TRAPPC8: variants seen among roughly 807,000 people sequenced by gnomAD.
TRAPPC8 encodes the protein trafficking protein particle complex subunit 8.
A neutral mutation model predicts 174.3 loss-of-function variants in TRAPPC8; 54 were observed. The observed-to-expected ratio is 0.31, with a 90% confidence interval of 0.25 to 0.39. The LOEUF is 0.39. Among genes scored for constraint, TRAPPC8 ranks in the 10% least tolerant of loss-of-function variants. The pLI is 1.00. For missense variants in TRAPPC8, 1,531 were observed against 1,699.1 expected, an observed-to-expected ratio of 0.90 and a Z score of 1.74; for synonymous variants, 630 against 579.9, an observed-to-expected ratio of 1.09 and a Z score of -1.24.
chr18:31,878,441 C>T (rs1376482445), intron 12 of TRAPPC8, among the ~76,000 whole-genome samples: 1 of 152,126 alleles, frequency 6.6e-6, no homozygotes, highest in Non-Finnish European at 1.5e-5. Flanking sequence ...TAGTATTTCT[C>T]AGACAAGAAA....
chr18:31,941,431 G>A lies in TRAPPC8; in HGVS notation c.157+1177C>T, dbSNP rs561181361. Reference sequence around the variant, plus strand: ...GCACTCCAGTCTGGGCAACAAGAGCGAAACTCCATCTCAAAATAAATAAAT... The same window carrying A: ...GCACTCCAGTCTGGGCAACAAGAGCAAAACTCCATCTCAAAATAAATAAAT... On this transcript the variant is annotated intron_variant, in intron 1 of 28. Coordinates refer to ENST00000283351, the MANE Select transcript of TRAPPC8 (RefSeq NM_014939.5). Among the ~76,000 whole-genome samples the A allele has an allele frequency of 7.2e-5, 11 of 152,144 alleles. No homozygotes were observed. The South Asian group carries it at 1.9e-3, about 26-fold the overall frequency.
intron 10 of TRAPPC8, among the ~76,000 whole-genome samples, chr18:31,900,577 C>T (rs1316650782): frequency 6.6e-6 from 1 of 152,150 alleles, no homozygotes; most frequent in African/African-American, 2.4e-5. Flanking sequence ...ACAGAAAGCA[C>T]TATGAATACA....
chr18:31,939,799 G>A (rs1001675563), intron 1 of TRAPPC8: 15 of 152,204 alleles, frequency 9.9e-5, no homozygotes, highest in African/African-American at 2.9e-4. Context: ...AGGCTGCAGT[G>A]GGTGAGGGAG....
At chr18:31,877,266 G>A (rs955600974) in intron 12 of TRAPPC8, among the ~76,000 whole-genome samples, 4 of 152,080 alleles carry the variant, frequency 2.6e-5, no homozygotes, top group Non-Finnish European at 4.4e-5. Flanking sequence ...GCTGGCAGAC[G>A]TGTCCTTGGG....
rs368475115 is a variant in TRAPPC8 at position 31,864,010 on chromosome 18, AAT to A, written c.2745+615_2745+616del. Among the ~76,000 whole-genome samples the A allele has an allele frequency of 4.5e-3, 660 of 148,120 alleles. 7 individuals are homozygous for A. Among genetic ancestry groups the A allele is most frequent in the South Asian group, 0.031 (150 of 4,774 alleles). On this transcript the variant is annotated intron_variant, in intron 19 of 28. Transcript: ENST00000283351. ...AGAACATATTATAATACTTTATTAT[AAT>A]ATGTTATTATAATATGTTCTATAAA...
At chr18:31,856,869 C>T (rs966919523) in intron 20 of TRAPPC8, among the ~76,000 whole-genome samples, 40 of 132,974 alleles carry the variant, frequency 3.0e-4, no homozygotes, top group African/African-American at 1.1e-3. Flanking sequence ...TGGAGGACAA[C>T]GGTATAATCA....
intron 1 of TRAPPC8, among the ~76,000 whole-genome samples, chr18:31,940,713 G>A (rs1598774718): frequency 6.6e-6 from 1 of 151,902 alleles, no homozygotes; most frequent in Admixed American, 6.6e-5. Context: ...TGGCCAGGAT[G>A]GTCTCGAACT....
At chr18:31,850,194 G>T (rs1381913471) in intron 24 of TRAPPC8, among the ~76,000 whole-genome samples, 2 of 151,980 alleles carry the variant, frequency 1.3e-5, no homozygotes, top group Non-Finnish European at 2.9e-5. Flanking sequence ...TCAAGCATTT[G>T]CCTGCCTCAG....
intron 9 of TRAPPC8, among the ~76,000 whole-genome samples, chr18:31,906,503 A>C (rs1598717118): frequency 6.6e-6 from 1 of 151,936 alleles, no homozygotes; most frequent in Non-Finnish European, 1.5e-5. Flanking sequence ...TTTCTAGCTA[A>C]AAAAAAGTAT....
At chr18:31,875,256 A>G (rs958805313) in intron 12 of TRAPPC8, among the ~76,000 whole-genome samples, 8 of 151,556 alleles carry the variant, frequency 5.3e-5, no homozygotes, top group Non-Finnish European at 8.8e-5. Flanking sequence ...CTACGATCAG[A>G]GACTTACATT....
rs1177487039 is a variant in TRAPPC8, at chr18:31,873,002, T to C, written c.2062+428A>G. Among the ~76,000 whole-genome samples, 6 of 146,412 alleles carry C rather than the reference T, an allele frequency of 4.1e-5. No individual in the cohort carries two copies. In the South Asian group the frequency reaches 1.1e-3, roughly 27 times the overall value. ...AAAAGAAGTAATAGAGAGCTATTCA[T>C]TTTCCTTTTTTTTTTTTTTTTTTTT... On this transcript the variant is annotated intron_variant, in intron 14 of 28. Transcript: ENST00000283351.
rs1445582650 is a variant in TRAPPC8, at chr18:31,864,509, ATAATT to A, written c.2745+113_2745+117del. On this transcript the variant is annotated intron_variant, in intron 19 of 28. Coordinates refer to ENST00000283351, the MANE Select transcript of TRAPPC8 (RefSeq NM_014939.5). ...AAATATATTTAACACTAGCTTAATA[ATAATT>A]TAAAAGTATAGTTCAATGTAATATC... The A allele has an allele frequency of 6.8e-5, 64 of 947,348 alleles. No individual in the cohort carries two copies. In the East Asian group the frequency reaches 1.8e-3, roughly 27 times the overall value. The allele number at this position is 947,348 out of a possible 1,614,324, so 58.7% of individuals were successfully genotyped here.
intron 6 of TRAPPC8, among the ~76,000 whole-genome samples, chr18:31,909,267 T>G (rs1187925777): frequency 1.3e-5 from 2 of 151,990 alleles, no homozygotes; most frequent in African/African-American, 4.8e-5. Context: ...AATACTTTAT[T>G]TTAAATAATA....
intron 1 of TRAPPC8, among the ~76,000 whole-genome samples, chr18:31,935,165 A>G (rs1004911297): frequency 9.3e-5 from 14 of 149,820 alleles, no homozygotes; most frequent in Admixed American, 8.0e-4. Flanking sequence ...ACCAACATAG[A>G]GAAACCCCGT....
At chr18:31,919,662 GC>G (rs2037303952) in intron 2 of TRAPPC8, among the ~76,000 whole-genome samples, 1 of 151,534 alleles carries the variant, frequency 6.6e-6, no homozygotes, top group Non-Finnish European at 1.5e-5. Context: ...TTTGAGACCA[GC>G]CTGGGATACA....
At chr18:31,915,675 T>A (rs1420101377) in intron 4 of TRAPPC8, among the ~76,000 whole-genome samples, 2 of 151,998 alleles carry the variant, frequency 1.3e-5, no homozygotes, top group African/African-American at 4.8e-5. Context: ...GGCAGGCGGA[T>A]CACGAGGTCA....
At chr18:31,848,878 T>A (rs1370759868) in intron 25 of TRAPPC8, among the ~76,000 whole-genome samples, 7 of 152,186 alleles carry the variant, frequency 4.6e-5, no homozygotes, top group Admixed American at 4.6e-4. Context: ...TTCAGTTAAC[T>A]TTAGGGAATA....
At chr18:31,867,564 A>G in intron 16 of TRAPPC8, 88 bp from the exon 17 acceptor site, 1 of 883,380 alleles carries the variant, frequency 1.1e-6, no homozygotes, top group Non-Finnish European at 1.8e-6. Context: ...TCAAAAAAAT[A>G]ACACTAATTA....
At chr18:31,905,687 C>A (rs2036627968) in intron 9 of TRAPPC8, among the ~76,000 whole-genome samples, 1 of 152,140 alleles carries the variant, frequency 6.6e-6, no homozygotes. Context: ...CCCAGTCTAA[C>A]TTTTCTCAGA....
Sources: allele counts gnomAD v4.1 joint callset (sites outside exome capture counted in the v4.1 genomes callset), GRCh38; gene constraint gnomAD v4.1.1; transcripts MANE v1.5; gene names NCBI Gene and HGNC (gene_info 2026-07-23, HGNC 2026-07-21).